CC2D2A: variants seen among roughly 807,000 people sequenced by gnomAD.
CC2D2A encodes coiled-coil and C2 domain-containing protein 2A.
CC2D2A carries 155 observed loss-of-function variants against 212.9 expected under a neutral mutation model. The ratio of observed to expected loss-of-function variants is 0.73; its 90% CI spans 0.64 to 0.83. The LOEUF is 0.83. Among genes scored for constraint, CC2D2A ranks in the 40% least tolerant of loss-of-function variants. CC2D2A has a pLI of 0.00. For synonymous variants in CC2D2A, 667 were observed against 686.5 expected (o/e 0.97, Z 0.44); for missense variants, 1,856 against 1,956.2 (o/e 0.95, Z 0.97).
intron 31 of CC2D2A, 25 bp from the exon 32 acceptor site, chr4:15,587,791 C>A (rs755105566): frequency 7.9e-7 from 1 of 1,272,232 alleles, no homozygotes; most frequent in East Asian, 2.3e-5. Flanking sequence ...AGTCATACAA[C>A]ATAATTTTTT....
intron 20 of CC2D2A, 35 bp downstream of exon 20, chr4:15,555,245 C>T (rs1434830043): frequency 6.2e-7 from 1 of 1,603,376 alleles, no homozygotes; most frequent in East Asian, 2.2e-5. Flanking sequence ...CATTTCTTGA[C>T]TTGGCCTTTT....
chr4:15,540,714 G>T (rs900555375), intron 16 of CC2D2A, 123 bp from the exon 17 acceptor site: 10 of 851,610 alleles, frequency 1.2e-5, no homozygotes, highest in Middle Eastern at 7.2e-4. Flanking sequence ...TTAAATGAGG[G>T]CTGACATGAT....
intron 11 of CC2D2A, among the ~76,000 whole-genome samples, chr4:15,524,431 T>G (rs959737224): frequency 1.7e-4 from 25 of 146,044 alleles, no homozygotes; most frequent in Admixed American, 5.0e-4. Flanking sequence ...GCACTCGGCC[T>G]TCTGTAAAAT....
Position 15,502,549 on chromosome 4 carries a change from T to C in CC2D2A, c.336+32T>C, listed in dbSNP as rs201288603. The C allele has an allele frequency of 2.5e-3, 3,931 of 1,542,462 alleles. 9 individuals are homozygous for C. Among genetic ancestry groups the C allele is most frequent in the Non-Finnish European group, 3.2e-3 (3,658 of 1,133,344 alleles). Reference sequence around the variant, plus strand: ...GAAACCACATGAATATTCTGTTCAGTGCTGATTGCAATCTTCCAGGGCTTG... The same window carrying C: ...GAAACCACATGAATATTCTGTTCAGCGCTGATTGCAATCTTCCAGGGCTTG... On this transcript the variant is annotated intron_variant, in intron 5 of 36. Transcript: ENST00000424120.
At chr4:15,552,850 G>C (rs1046166575) in intron 18 of CC2D2A, among the ~76,000 whole-genome samples, 2 of 152,182 alleles carry the variant, frequency 1.3e-5, no homozygotes, top group African/African-American at 4.8e-5. Flanking sequence ...TAGTATCCCT[G>C]ATTTATACAT....
intron 1 of CC2D2A, among the ~76,000 whole-genome samples, chr4:15,470,471 A>T (rs1713650354): frequency 6.6e-6 from 1 of 152,148 alleles, no homozygotes; most frequent in African/African-American, 2.4e-5. Context: ...CAGTGCTAAG[A>T]GTTGCTGTGC....
At chr4:15,494,555 G>C (rs1399006100) in intron 4 of CC2D2A, among the ~76,000 whole-genome samples, 1 of 152,172 alleles carries the variant, frequency 6.6e-6, no homozygotes, top group African/African-American at 2.4e-5. Context: ...AGTGACACTA[G>C]TCTATTTCAT....
At chr4:15,580,246 A>G (rs1039121722) in intron 30 of CC2D2A, 75 bp downstream of exon 30, 9 of 1,077,228 alleles carry the variant, frequency 8.4e-6, no homozygotes, top group Non-Finnish European at 1.3e-5. Context: ...TTTAATTACC[A>G]TATTTCATAG....
At chr4:15,515,283 A>G (rs1716799194) in intron 9 of CC2D2A, among the ~76,000 whole-genome samples, 1 of 152,196 alleles carries the variant, frequency 6.6e-6, no homozygotes, top group African/African-American at 2.4e-5. Flanking sequence ...CTATGATTCA[A>G]GCTCCAAGGC....
chr4:15,563,886 C>G, intron 24 of CC2D2A: 1 of 197,512 alleles, frequency 5.1e-6, no homozygotes, highest in Non-Finnish European at 1.0e-5. Context: ...TAGAGTACCA[C>G]CAATTAAGCG....
chr4:15,556,545 C>A (rs770436664), intron 20 of CC2D2A, among the ~76,000 whole-genome samples: 1 of 152,146 alleles, frequency 6.6e-6, no homozygotes, highest in Admixed American at 6.5e-5. Flanking sequence ...AAGAACAAAA[C>A]GGGGATTGCC....
chr4:15,562,423 T>C (rs1719655253), intron 23 of CC2D2A, among the ~76,000 whole-genome samples: 1 of 152,260 alleles, frequency 6.6e-6, no homozygotes, highest in Non-Finnish European at 1.5e-5. Flanking sequence ...CCATGAACGT[T>C]TCTCCTATGA....
chr4:15,591,438 T>G (rs1296348695), intron 33 of CC2D2A, among the ~76,000 whole-genome samples: 2 of 151,238 alleles, frequency 1.3e-5, no homozygotes, highest in Non-Finnish European at 3.0e-5. Flanking sequence ...AGGCTGGTCT[T>G]GAGCTCCCGA....
At chr4:15,477,328 A>T (rs995908029) in intron 2 of CC2D2A, among the ~76,000 whole-genome samples, 2 of 152,082 alleles carry the variant, frequency 1.3e-5, no homozygotes, top group African/African-American at 4.8e-5. Flanking sequence ...ACTTTAAGCA[A>T]GATCAAGTAC....
At chr4:15,548,713 A>T (rs1361875864) in intron 17 of CC2D2A, among the ~76,000 whole-genome samples, 1 of 152,166 alleles carries the variant, frequency 6.6e-6, no homozygotes, top group Non-Finnish European at 1.5e-5. Context: ...GATAACTACT[A>T]CATGTTCTTT....
At chr4:15,596,856 G>A (rs1721342717) in intron 34 of CC2D2A, among the ~76,000 whole-genome samples, 1 of 152,104 alleles carries the variant, frequency 6.6e-6, no homozygotes, top group African/African-American at 2.4e-5. Flanking sequence ...TATGTAACAC[G>A]ATGGAATATT....
chr4:15,553,819 G>C (rs1719129218), intron 19 of CC2D2A, among the ~76,000 whole-genome samples: 1 of 152,206 alleles, frequency 6.6e-6, no homozygotes, highest in African/African-American at 2.4e-5. Flanking sequence ...GGTTGTCCCT[G>C]AAGCTTAGAT....
intron 28 of CC2D2A, among the ~76,000 whole-genome samples, chr4:15,571,922 G>T (rs1435681446): frequency 6.6e-6 from 1 of 152,058 alleles, no homozygotes; most frequent in East Asian, 1.9e-4. Flanking sequence ...CTATATTCTG[G>T]TAATATCTGT....
At chr4:15,548,438 A>C (rs1718821642) in intron 17 of CC2D2A, among the ~76,000 whole-genome samples, 1 of 152,166 alleles carries the variant, frequency 6.6e-6, no homozygotes, top group African/African-American at 2.4e-5. Context: ...CATGAGGAGT[A>C]AAAACCACCT....
Sources: gnomAD v4.1 joint callset for allele counts (sites outside exome capture counted in the v4.1 genomes callset) on GRCh38, gnomAD v4.1.1 for gene constraint, MANE v1.5 for transcripts, NCBI Gene and HGNC (gene_info 2026-07-23, HGNC 2026-07-21) for gene names.